CNTN5: variants seen among roughly 807,000 people sequenced by gnomAD.
The protein encoded by CNTN5 is contactin-5.
In CNTN5, 77 loss-of-function variants were observed where a neutral mutation model predicts 129.1. The ratio of observed to expected loss-of-function variants is 0.60; its 90% confidence interval spans 0.50 to 0.72. The LOEUF is 0.72. Ranked by LOEUF, CNTN5 falls within the 30% of genes least tolerant of loss-of-function variation. The probability of loss-of-function intolerance (pLI) is 0.00; values close to 1 mark genes in which losing one functional copy is unlikely to be tolerated. For synonymous variants in CNTN5, 509 were observed against 465.6 expected (o/e 1.09, Z -1.20); for missense variants, 1,478 against 1,328.8 (o/e 1.11, Z -1.75).
chr11:100,059,235 T>G (rs923734987), intron 9 of CNTN5, among the ~76,000 whole-genome samples: 5 of 152,094 alleles, frequency 3.3e-5, no homozygotes, highest in African/African-American at 1.2e-4. Context: ...TAAACAAATA[T>G]AGTCCAGTTG....
At chr11:100,031,131 A>G (rs1446484544) in intron 9 of CNTN5, among the ~76,000 whole-genome samples, 1 of 152,220 alleles carries the variant, frequency 6.6e-6, no homozygotes, top group African/African-American at 2.4e-5. Flanking sequence ...TAACAGAAGA[A>G]TGGAGATTTT....
rs149749202 is a variant in CNTN5, at chr11:100,090,125, G to A, written c.1580+15831G>A. Among the ~76,000 whole-genome samples the A allele has an allele frequency of 3.0e-3, 454 of 152,150 alleles. 11 individuals carry two copies. In the East Asian group the frequency reaches 0.042, roughly 14 times the overall value. ...AACCATATGATCTTCTCAATAGATA[G>A]AGAAAAACTTTCAATAAAATCCAAC... On this transcript the variant is annotated intron_variant, in intron 13 of 24. Coordinates refer to ENST00000524871, the MANE Select transcript of CNTN5 (RefSeq NM_014361.4).
intron 1 of CNTN5, among the ~76,000 whole-genome samples, chr11:99,317,234 G>A (rs1037370410): frequency 8.5e-5 from 13 of 152,110 alleles, no homozygotes; most frequent in African/African-American, 3.1e-4. Context: ...ATGGTTTTAT[G>A]AAATGAAATA....
intron 16 of CNTN5, among the ~76,000 whole-genome samples, chr11:100,242,581 G>A (rs1334968951): frequency 6.6e-6 from 1 of 152,186 alleles, no homozygotes; most frequent in Non-Finnish European, 1.5e-5. Flanking sequence ...GCAGGAGTAA[G>A]AGAGTGATGG....
chr11:100,016,656 G>A (rs1279676151), intron 9 of CNTN5, among the ~76,000 whole-genome samples: 1 of 151,850 alleles, frequency 6.6e-6, no homozygotes, highest in Non-Finnish European at 1.5e-5. Context: ...TGTACATGGT[G>A]GCATTTGCTA....
intron 9 of CNTN5, among the ~76,000 whole-genome samples, chr11:100,015,940 A>C (rs1297670852): frequency 6.6e-6 from 1 of 152,064 alleles, no homozygotes; most frequent in Non-Finnish European, 1.5e-5. Flanking sequence ...AATTCCATTC[A>C]TTCTAGTTCA....
chr11:100,149,935 G>C (rs769201794), intron 13 of CNTN5, among the ~76,000 whole-genome samples: 1 of 151,160 alleles, frequency 6.6e-6, no homozygotes, highest in Admixed American at 6.6e-5. Flanking sequence ...AAAATCTCAT[G>C]GGGTAGAGCT....
chr11:99,741,504 T>C (rs1943887270), intron 3 of CNTN5, among the ~76,000 whole-genome samples: 1 of 152,100 alleles, frequency 6.6e-6, no homozygotes, highest in Admixed American at 6.6e-5. Flanking sequence ...AAAAAACAAC[T>C]TCAAATGTAG....
At chr11:100,280,413 C>T (rs1270684756) in intron 18 of CNTN5, among the ~76,000 whole-genome samples, 1 of 151,826 alleles carries the variant, frequency 6.6e-6, no homozygotes, top group Non-Finnish European at 1.5e-5. Context: ...CTGAATTCAC[C>T]CCTTTATCTT....
At chr11:100,256,273 T>C (rs1351089275) in intron 17 of CNTN5, among the ~76,000 whole-genome samples, 5 of 152,154 alleles carry the variant, frequency 3.3e-5, no homozygotes, top group Non-Finnish European at 4.4e-5. Context: ...AATCAGGAGA[T>C]GATGTTGGTG....
chr11:99,832,552 GTTTATAC>G (rs979024075), intron 4 of CNTN5, among the ~76,000 whole-genome samples: 3 of 152,130 alleles, frequency 2.0e-5, no homozygotes, highest in African/African-American at 7.2e-5. Flanking sequence ...AGGTTTTATA[GTTTATAC>G]TTGTTTAAGT....
intron 3 of CNTN5, among the ~76,000 whole-genome samples, chr11:99,801,680 T>C (rs1331225289): frequency 6.6e-6 from 1 of 152,216 alleles, no homozygotes; most frequent in Non-Finnish European, 1.5e-5. Context: ...AAGATCGGTT[T>C]AAGCTGTGAA....
intron 13 of CNTN5, among the ~76,000 whole-genome samples, chr11:100,115,892 A>C (rs1945826028): frequency 6.6e-6 from 1 of 152,058 alleles, no homozygotes; most frequent in Admixed American, 6.6e-5. Flanking sequence ...GGTGTGCATG[A>C]AAGAAAGAAT....
At chr11:99,758,511 T>G (rs2135264355) in intron 3 of CNTN5, among the ~76,000 whole-genome samples, 1 of 152,138 alleles carries the variant, frequency 6.6e-6, no homozygotes, top group African/African-American at 2.4e-5. Flanking sequence ...TATGCAAAGA[T>G]GATTGAAATG....
chr11:99,068,499 G>C (rs1865196877), intron 1 of CNTN5, among the ~76,000 whole-genome samples: 1 of 152,236 alleles, frequency 6.6e-6, no homozygotes, highest in Admixed American at 6.5e-5. Context: ...AATGTTAGGG[G>C]ATACAATCTA....
intron 17 of CNTN5, among the ~76,000 whole-genome samples, chr11:100,270,630 G>A (rs1950391570): frequency 6.6e-6 from 1 of 152,212 alleles, no homozygotes; most frequent in African/African-American, 2.4e-5. Flanking sequence ...TTTCTACTCA[G>A]ATATCACAAA....
intron 6 of CNTN5, among the ~76,000 whole-genome samples, chr11:99,878,900 A>G (rs909677034): frequency 6.6e-6 from 1 of 152,124 alleles, no homozygotes; most frequent in Non-Finnish European, 1.5e-5. Flanking sequence ...GATACTCCCA[A>G]AAGGTTCTGG....
At chr11:100,036,040 C>A (rs1043311542) in intron 9 of CNTN5, among the ~76,000 whole-genome samples, 1 of 152,104 alleles carries the variant, frequency 6.6e-6, no homozygotes, top group Non-Finnish European at 1.5e-5. Flanking sequence ...GAAGTCCTTG[C>A]CCATGCCTAT....
chr11:99,976,168 C>T (rs1352864988), intron 8 of CNTN5, among the ~76,000 whole-genome samples: 1 of 152,214 alleles, frequency 6.6e-6, no homozygotes, highest in Non-Finnish European at 1.5e-5. Context: ...GTCTCACATC[C>T]AGGGAGTGCT....
Sources: allele counts gnomAD v4.1 joint callset (sites outside exome capture counted in the v4.1 genomes callset), GRCh38; gene constraint gnomAD v4.1.1; transcripts MANE v1.5; gene names NCBI Gene and HGNC (gene_info 2026-07-23, HGNC 2026-07-21).